The following KCNN2 variants were observed in gnomAD, a reference collection of about 807,000 sequenced individuals.
The protein encoded by KCNN2 is small conductance calcium-activated potassium channel protein 2.
In KCNN2, 24 loss-of-function variants were observed where a neutral mutation model predicts 55.5. The ratio of observed to expected loss-of-function variants is 0.43; its 90% CI spans 0.31 to 0.61. The LOEUF (loss-of-function observed/expected upper bound fraction) is 0.61. Among genes scored for constraint, KCNN2 ranks in the 20% least tolerant of loss-of-function variants. The pLI, the probability that KCNN2 is intolerant of heterozygous loss-of-function variation, is 0.08. For missense variants in KCNN2, 754 were observed against 853.6 expected (o/e 0.88, Z 1.45); for synonymous variants, 431 against 336.1 (o/e 1.28, Z -3.09).
rs537968108 is a variant in KCNN2 at position 114,426,594 on chromosome 5, T to C, written c.1637+21738T>C. Among the ~76,000 whole-genome samples, 120 of 152,328 alleles carry C rather than the reference T, an allele frequency of 7.9e-4. 2 individuals carry two copies. Among genetic ancestry groups the C allele is most frequent in the African/African-American group, 2.7e-3 (112 of 41,592 alleles). ...TTCTTTAAACATAAGGTAGAATTCA[T>C]TGATGATTTTATAGGCCTCTCATTT... On this transcript the variant is annotated intron_variant, in intron 3 of 7. Transcript: ENST00000673685.
At chr5:114,269,761 C>T (rs1229584824) in intron 2 of KCNN2, among the ~76,000 whole-genome samples, 1 of 152,102 alleles carries the variant, frequency 6.6e-6, no homozygotes, top group Non-Finnish European at 1.5e-5. Flanking sequence ...AGACAAAGTT[C>T]ATATTGCAAA....
At chr5:114,131,379 G>A (rs770491945) in intron 1 of KCNN2, among the ~76,000 whole-genome samples, 3 of 152,196 alleles carry the variant, frequency 2.0e-5, no homozygotes, top group Non-Finnish European at 4.4e-5. Context: ...AGAACATGCA[G>A]TGTTTGGTTT....
intron 1 of KCNN2, among the ~76,000 whole-genome samples, chr5:114,126,184 A>T (rs1251148917): frequency 6.6e-6 from 1 of 152,150 alleles, no homozygotes; most frequent in Admixed American, 6.5e-5. Flanking sequence ...ATTAGGTCCC[A>T]TCCTAATGAA....
At chr5:114,292,815 A>C (rs1015012607) in intron 2 of KCNN2, among the ~76,000 whole-genome samples, 1 of 152,176 alleles carries the variant, frequency 6.6e-6, no homozygotes, top group Non-Finnish European at 1.5e-5. Context: ...GATTCTTCCT[A>C]CCCATGAGCA....
chr5:114,361,600 C>T (rs1327178590), upstream of KCNN2, among the ~76,000 whole-genome samples: 3 of 152,142 alleles, frequency 2.0e-5, no homozygotes, highest in East Asian at 5.9e-4. Context: ...CCCTGCGAGG[C>T]GTGCAGTCGG....
rs556433300 is a variant in KCNN2, at chr5:114,362,950, G to A, written c.811G>A (p.Val271Ile). The change falls in exon 1 of 8, where the codon GTT (valine) becomes ATT (isoleucine). Residue 271 changes from valine (V) to isoleucine (I), a missense_variant. Around this residue, in one of 4 missense-constraint regions of KCNN2, gnomAD observed 381 missense variants for 259.1 expected, o/e 1.47. Transcript: ENST00000673685. The stretch of plus-strand genomic sequence containing the variant: ...TGCAGCCGCTGCCGCCGCCGCCGCT[G>A]TTTCGTCCTCAGCCCCCGAGATCGT... Reference protein sequence around the residue: ...PSAAAAAAAAVSSSAPEIVVS... With the variant: ...PSAAAAAAAAISSSAPEIVVS... The A allele has an allele frequency of 6.3e-7, 1 of 1,588,890 alleles. No homozygotes were observed. The highest frequency in any genetic ancestry group is 2.3e-5 in the East Asian group (1 of 43,964).
intron 1 of KCNN2, among the ~76,000 whole-genome samples, chr5:114,095,321 T>C (rs928710052): frequency 6.6e-6 from 1 of 152,200 alleles, no homozygotes; most frequent in Non-Finnish European, 1.5e-5. Context: ...CTGTGCCTTA[T>C]CTCTTTTAAA....
At chr5:114,453,107 T>A (rs1403758738) in intron 3 of KCNN2, among the ~76,000 whole-genome samples, 2 of 152,168 alleles carry the variant, frequency 1.3e-5, no homozygotes, top group Non-Finnish European at 2.9e-5. Flanking sequence ...CTTTCTAATG[T>A]TCTGCTGATT....
At chr5:114,477,183 C>G (rs1006651422) in intron 5 of KCNN2, among the ~76,000 whole-genome samples, 7 of 152,034 alleles carry the variant, frequency 4.6e-5, no homozygotes, top group African/African-American at 1.7e-4. Context: ...GAGTAATAGT[C>G]ACAGATGTTC....
At chr5:114,353,298 T>C (rs1284212196) in intron 2 of KCNN2, among the ~76,000 whole-genome samples, 1 of 151,862 alleles carries the variant, frequency 6.6e-6, no homozygotes, top group Non-Finnish European at 1.5e-5. Context: ...TTACCTTTTC[T>C]GGTCCTCTTC....
At chr5:114,227,687 A>G (rs1410511464) in intron 2 of KCNN2, among the ~76,000 whole-genome samples, 1 of 152,190 alleles carries the variant, frequency 6.6e-6, no homozygotes, top group East Asian at 1.9e-4. Flanking sequence ...AAAATTTGAA[A>G]TCAGAAAAAA....
chr5:114,284,486 A>C (rs1755694747), intron 2 of KCNN2, among the ~76,000 whole-genome samples: 1 of 151,614 alleles, frequency 6.6e-6, no homozygotes. Context: ...ACTAATCCAG[A>C]TAGTTGAGTA....
intron 1 of KCNN2, among the ~76,000 whole-genome samples, chr5:114,061,903 C>G (rs1750339847): frequency 6.6e-6 from 1 of 152,104 alleles, no homozygotes; most frequent in Non-Finnish European, 1.5e-5. Context: ...CTTGTCCAGT[C>G]AACTGGATGT....
intron 3 of KCNN2, among the ~76,000 whole-genome samples, chr5:114,440,132 G>A (rs1760153686): frequency 6.6e-6 from 1 of 151,880 alleles, no homozygotes; most frequent in East Asian, 1.9e-4. Flanking sequence ...CAGATCCAAA[G>A]CCAAGTAAAG....
chr5:114,273,092 G>T (rs936076671), intron 2 of KCNN2, among the ~76,000 whole-genome samples: 1 of 152,018 alleles, frequency 6.6e-6, no homozygotes, highest in Non-Finnish European at 1.5e-5. Flanking sequence ...TATTCTCATT[G>T]TTCAACTCCC....
intron 2 of KCNN2, among the ~76,000 whole-genome samples, chr5:114,272,434 TATC>T (rs1280359261): frequency 3.8e-4 from 5 of 13,126 alleles, no homozygotes; most frequent in African/African-American, 6.6e-4. Context: ...TGTACGTACA[TATC>T]ATATACACAC....
chr5:114,285,583 G>T (rs533506157), intron 2 of KCNN2, among the ~76,000 whole-genome samples: 3 of 152,066 alleles, frequency 2.0e-5, no homozygotes, highest in Non-Finnish European at 4.4e-5. Flanking sequence ...TAGCAAATTC[G>T]CAAGGTGGTA....
At chr5:114,449,613 A>T (rs912606157) in intron 3 of KCNN2, among the ~76,000 whole-genome samples, 5 of 152,162 alleles carry the variant, frequency 3.3e-5, no homozygotes, top group African/African-American at 1.2e-4. Context: ...GAGGTGGGGC[A>T]GCACCTCTGA....
intron 2 of KCNN2, among the ~76,000 whole-genome samples, chr5:114,356,634 G>A (rs1159925959): frequency 1.3e-5 from 2 of 151,978 alleles, no homozygotes; most frequent in Admixed American, 1.3e-4. Context: ...GAATGGATAG[G>A]CCCTAACACA....
Sources: allele counts gnomAD v4.1 joint callset (sites outside exome capture counted in the v4.1 genomes callset), GRCh38; gene constraint gnomAD v4.1.1; regional missense constraint gnomAD v4.1.1; transcripts MANE v1.5; gene names NCBI Gene and HGNC (gene_info 2026-07-23, HGNC 2026-07-21).